EVC2: variants seen among roughly 807,000 people sequenced by gnomAD.
The protein encoded by EVC2 is EvC ciliary complex subunit 2, also known as limbin.
Under a neutral mutation model 149.3 loss-of-function variants are expected in EVC2, and 148 were observed. That is an observed-to-expected ratio of 0.99 (90% CI 0.87 to 1.14). EVC2 has a LOEUF of 1.14. EVC2 is among the 50% of genes most tolerant of loss of function. The probability of loss-of-function intolerance (pLI) is 0.00; values close to 1 mark genes in which losing one functional copy is unlikely to be tolerated. For missense variants in EVC2, 1,854 were observed against 1,627.3 expected (o/e 1.14, Z -2.40); for synonymous variants, 776 against 649.9 (o/e 1.19, Z -2.95).
chr4:5,599,706 A>C (rs1713810588), intron 16 of EVC2, among the ~76,000 whole-genome samples: 1 of 151,938 alleles, frequency 6.6e-6, no homozygotes, highest in Non-Finnish European at 1.5e-5. Flanking sequence ...ATGTACCCTA[A>C]AACTTAAAGC....
At position 5,567,113 on chromosome 4, in the gene EVC2, C is replaced by A. The variant is rs1315767562; in HGVS notation, c.3557+1331G>T. Among the ~76,000 whole-genome samples, 1 of 152,140 alleles carries A rather than the reference C, an allele frequency of 6.6e-6. No individual in the cohort carries two copies. The highest frequency in any genetic ancestry group is 2.4e-5 in the African/African-American group (1 of 41,428). ...CCCTCTTGTTCCTCTGACCAGCCCA[C>A]ACCCAGCCCTCTGACCACGCCAACA... On this transcript the variant is annotated intron_variant, in intron 20 of 21. Coordinates refer to ENST00000344408, the MANE Select transcript of EVC2 (RefSeq NM_147127.5). This position sits in a 1 kb window ranked among gnomAD's most constrained non-coding sequence, Gnocchi z 4.4.
chr4:5,655,626 A>G (rs1481667776), intron 9 of EVC2, among the ~76,000 whole-genome samples: 1 of 152,078 alleles, frequency 6.6e-6, no homozygotes, highest in Admixed American at 6.5e-5. Flanking sequence ...AGGGTTTGAT[A>G]TGGGAAATAG....
chr4:5,532,055 T>C, the EVC2 span, among the ~76,000 whole-genome samples: 1 of 152,146 alleles, frequency 6.6e-6, no homozygotes, highest in Admixed American at 6.5e-5. Context: ...TGGGTTTAAC[T>C]AAATTTTTGA....
chr4:5,661,236 G>C (rs1718854237), intron 9 of EVC2, among the ~76,000 whole-genome samples: 1 of 152,128 alleles, frequency 6.6e-6, no homozygotes, highest in African/African-American at 2.4e-5. Context: ...TACCAAGAAA[G>C]CAAAGAATGT....
chr4:5,623,338 ATTTT>A (rs934150878), intron 13 of EVC2, among the ~76,000 whole-genome samples: 1 of 145,544 alleles, frequency 6.9e-6, no homozygotes, highest in African/African-American at 2.5e-5. Context: ...TTATTTATTT[ATTTT>A]TTTTATTTTT....
intron 16 of EVC2, among the ~76,000 whole-genome samples, chr4:5,611,334 G>A (rs528604097): frequency 1.7e-3 from 257 of 152,268 alleles, no homozygotes; most frequent in Admixed American, 5.8e-3. Context: ...CGCTCATGAA[G>A]AGCATCAGCT....
At chr4:5,609,241 G>A (rs1343816073) in intron 16 of EVC2, among the ~76,000 whole-genome samples, 2 of 151,880 alleles carry the variant, frequency 1.3e-5, no homozygotes, top group African/African-American at 2.4e-5. Flanking sequence ...ATCTGCTATG[G>A]GTTCTGTTTC....
chr4:5,576,347 G>A lies in EVC2; in HGVS notation c.3165C>T (p.Pro1055=), dbSNP rs756880962. Residue 1055 remains proline (P), a synonymous_variant, in exon 18 of 22, where the codon CCC becomes CCT. Transcript: ENST00000344408. This position sits in a 1 kb window ranked among gnomAD's most constrained non-coding sequence, Gnocchi z 4.5. ...ASWQQWVADG[P]GILNEPGEVD... Reference sequence around the variant, plus strand: ...CCTCCCCAGGTTCGTTCAGAATCCCGGGCCCATCGGCCACCCACTGCTGCC... The same window carrying A: ...CCTCCCCAGGTTCGTTCAGAATCCCAGGCCCATCGGCCACCCACTGCTGCC... 36 of 1,613,978 alleles carry A rather than the reference G, an allele frequency of 2.2e-5. No individual in the cohort carries two copies. Among genetic ancestry groups the A allele is most frequent in the South Asian group, 9.9e-5 (9 of 91,070 alleles).
At chr4:5,558,842 G>C (rs1474697453), downstream of EVC2, among the ~76,000 whole-genome samples, 1 of 152,164 alleles carries the variant, frequency 6.6e-6, no homozygotes, top group Non-Finnish European at 1.5e-5. Flanking sequence ...TACTGGAACT[G>C]ACCACATAAG....
chr4:5,535,523 C>T, the EVC2 span, among the ~76,000 whole-genome samples: 1 of 150,882 alleles, frequency 6.6e-6, no homozygotes, highest in East Asian at 2.0e-4. The surrounding 1 kb of genome is among the most constrained non-coding windows in gnomAD (Gnocchi z 4.7). Flanking sequence ...AAACAACAGA[C>T]GGTTATTTCA....
intron 16 of EVC2, among the ~76,000 whole-genome samples, chr4:5,607,499 G>A (rs1577149889): frequency 6.6e-6 from 1 of 152,130 alleles, no homozygotes; most frequent in African/African-American, 2.4e-5. Context: ...CCAGACATCT[G>A]TAGCTGACTT....
rs1468492834 is a variant in EVC2, at chr4:5,552,750, G to A, written c.3420-9538C>T. On this transcript the variant is annotated intron_variant and NMD_transcript_variant, in intron 21 of 22. Coordinates refer to the EVC2 transcript ENST00000475313. The stretch of plus-strand genomic sequence containing the variant: ...AGTCCGCAGGTCTAGATGAGCTGAG[G>A]AGACAGACAATGAACTGAGACAACT... 3.3e-5 allele frequency among the ~76,000 whole-genome samples: 5 copies of A among 152,178 alleles called. No individual in the cohort carries two copies. The East Asian group carries it at 5.8e-4, about 18-fold the overall frequency.
chr4:5,606,085 G>C (rs937392292), intron 16 of EVC2, among the ~76,000 whole-genome samples: 2 of 152,164 alleles, frequency 1.3e-5, no homozygotes, highest in African/African-American at 4.8e-5. Flanking sequence ...CGGACCAATA[G>C]AGACCTCCTC....
At chr4:5,662,843 T>C (rs1718991101) in intron 9 of EVC2, among the ~76,000 whole-genome samples, 1 of 151,926 alleles carries the variant, frequency 6.6e-6, no homozygotes. Flanking sequence ...CCCATTTGCA[T>C]GGTGGTCACC....
chr4:5,694,523 G>A (rs781720841), intron 2 of EVC2, 22 bp from the exon 3 acceptor site: 54 of 1,613,900 alleles, frequency 3.3e-5, no homozygotes, highest in Middle Eastern at 3.3e-4. Flanking sequence ...CAACACACCC[G>A]TTTTATATAA....
In EVC2 at chr4:5,614,199, A is replaced by G. The variant is rs1220521679; in HGVS notation, c.2829+1223T>C. ...CTGCCTCCTCTCCTACCTACAGTCC[A>G]CCCTGCTGCCAGCCTACTTCACCTG... is the stretch of plus-strand genomic sequence containing the variant. On this transcript the variant is annotated intron_variant, in intron 16 of 21. Transcript: ENST00000344408. The surrounding 1 kb of genome is among the most constrained non-coding windows in gnomAD (Gnocchi z 4.7). Among the ~76,000 whole-genome samples the G allele has an allele frequency of 6.6e-6, 1 of 152,034 alleles. No homozygotes were observed. Among genetic ancestry groups the G allele is most frequent in the African/African-American group, 2.4e-5 (1 of 41,380 alleles).
At chr4:5,688,829 G>A (rs958033575) in intron 5 of EVC2, among the ~76,000 whole-genome samples, 9 of 152,156 alleles carry the variant, frequency 5.9e-5, no homozygotes, top group African/African-American at 2.2e-4. Context: ...CAGGTATACT[G>A]GGGTCCACTG....
intron 11 of EVC2, among the ~76,000 whole-genome samples, chr4:5,629,220 G>A (rs1173794087): frequency 5.9e-5 from 9 of 152,184 alleles, no homozygotes; most frequent in East Asian, 5.8e-4. Context: ...TGAACAAAAC[G>A]TAACCAAACA....
At chr4:5,599,863 A>G (rs534198623) in intron 16 of EVC2, among the ~76,000 whole-genome samples, 2 of 152,206 alleles carry the variant, frequency 1.3e-5, no homozygotes, top group African/African-American at 4.8e-5. Flanking sequence ...CCTGTGGCAT[A>G]TTGTATCAGG....
Sources: gnomAD v4.1 joint callset for allele counts (sites outside exome capture counted in the v4.1 genomes callset) on GRCh38, gnomAD v4.1.1 for gene constraint, Gnocchi (gnomAD v3.1) non-coding constraint, MANE v1.5 for transcripts, NCBI Gene and HGNC (gene_info 2026-07-23, HGNC 2026-07-21) for gene names.